The following ESR1 variants were observed in gnomAD, a reference collection of about 807,000 sequenced individuals.
The protein encoded by ESR1 is estrogen receptor 1, also known as estrogen receptor.
Under a neutral mutation model 52.7 loss-of-function variants are expected in ESR1, and 12 were observed. The ratio of observed to expected loss-of-function variants is 0.23; its 90% CI spans 0.15 to 0.37. The LOEUF is 0.37. Ranked by LOEUF, ESR1 falls within the 10% of genes least tolerant of loss-of-function variation. ESR1 has a pLI of 1.00. For synonymous variants in ESR1, 305 were observed against 316.8 expected, an observed-to-expected ratio of 0.96 and a Z score of 0.39; for missense variants, 584 against 779.7, an observed-to-expected ratio of 0.75 and a Z score of 2.99.
intron 2 of ESR1, among the ~76,000 whole-genome samples, chr6:151,728,128 T>G (rs918517566): frequency 1.3e-5 from 2 of 152,180 alleles, no homozygotes. Flanking sequence ...GGACTCAGGC[T>G]GCCTGGTTTG....
At chr6:151,891,223 T>C (rs1441223153) in intron 3 of ESR1, among the ~76,000 whole-genome samples, 1 of 152,240 alleles carries the variant, frequency 6.6e-6, no homozygotes, top group Non-Finnish European at 1.5e-5. Flanking sequence ...GGTATCTTTA[T>C]GTACCTTTTC....
chr6:151,800,749 A>G (rs1305379483), upstream of ESR1, among the ~76,000 whole-genome samples: 3 of 152,142 alleles, frequency 2.0e-5, no homozygotes, highest in African/African-American at 2.4e-5. Flanking sequence ...ACAGCTAATC[A>G]ATATTTTTTT....
chr6:151,914,178 C>T (rs1798691219), intron 3 of ESR1, among the ~76,000 whole-genome samples: 1 of 151,750 alleles, frequency 6.6e-6, no homozygotes, highest in South Asian at 2.1e-4. Flanking sequence ...TTTTACTCTG[C>T]TCTATTCTCT....
intron 2 of ESR1, among the ~76,000 whole-genome samples, chr6:151,731,329 C>A (rs1782221441): frequency 6.6e-6 from 1 of 151,304 alleles, no homozygotes; most frequent in African/African-American, 2.4e-5. Context: ...GTACACCAGC[C>A]TAGGTGACAC....
intron 2 of ESR1, among the ~76,000 whole-genome samples, chr6:151,872,532 C>T (rs1409118513): frequency 6.6e-6 from 1 of 152,042 alleles, no homozygotes; most frequent in Admixed American, 6.6e-5. Context: ...ACTTTTAATC[C>T]TTCATGTTTT....
In ESR1 at chr6:151,712,544, A is replaced by G. The variant is rs527372222; in HGVS notation, c.-71+10539A>G. ...AGCAGTGGTTTGTAGTTCTCCTTGA[A>G]GAGGTCCTTCACTTCCCTTGTAAGT... On this transcript the variant is annotated intron_variant, in intron 2 of 2. Transcript: ENST00000404742. 3.3e-5 allele frequency among the ~76,000 whole-genome samples: 5 copies of G among 152,250 alleles called. No individual in the cohort carries two copies. The South Asian group carries it at 1.0e-3, about 32-fold the overall frequency.
At chr6:152,016,499 CT>C in intron 5 of ESR1, among the ~76,000 whole-genome samples, 1 of 152,152 alleles carries the variant, frequency 6.6e-6, no homozygotes, top group Non-Finnish European at 1.5e-5. Context: ...AGGATAACTG[CT>C]TTTGATGGCA....
At chr6:151,726,083 G>A (rs1012405157) in intron 2 of ESR1, among the ~76,000 whole-genome samples, 49 of 152,234 alleles carry the variant, frequency 3.2e-4, no homozygotes, top group African/African-American at 1.2e-3. Context: ...ATGGTGGGGG[G>A]TACCTTCAAC....
intron 5 of ESR1, among the ~76,000 whole-genome samples, chr6:152,020,136 G>GA (rs1239169816): frequency 6.6e-6 from 1 of 152,162 alleles, no homozygotes; most frequent in Non-Finnish European, 1.5e-5. Flanking sequence ...GATTCTGAGT[G>GA]AAAACCAATC....
intron 2 of ESR1, among the ~76,000 whole-genome samples, chr6:151,722,765 G>A (rs1260037487): frequency 1.3e-5 from 2 of 152,204 alleles, no homozygotes; most frequent in Non-Finnish European, 2.9e-5. Flanking sequence ...TTAGAAGCCT[G>A]TCTCTATTTC....
chr6:151,813,876 G>T (rs910826885), intron 1 of ESR1, among the ~76,000 whole-genome samples: 1 of 152,124 alleles, frequency 6.6e-6, no homozygotes, highest in Non-Finnish European at 1.5e-5. Flanking sequence ...TTCCAAATGA[G>T]CCCTTGAAAA....
rs552752479 is a variant in ESR1, at chr6:152,067,771, G to A, written c.1369+6647G>A. ...GAACCTGGGAGGCAGAGGTTGCAGT[G>A]AGCCAAGATCGTGCCATTGCACTCC... On this transcript the variant is annotated intron_variant, in intron 6 of 7. Transcript: ENST00000206249. Among the ~76,000 whole-genome samples, 9 of 152,274 alleles carry A rather than the reference G, an allele frequency of 5.9e-5. No homozygotes were observed. In the South Asian group the frequency reaches 8.3e-4, roughly 14 times the overall value.
At chr6:151,989,445 C>T (rs2040813564) in intron 4 of ESR1, among the ~76,000 whole-genome samples, 1 of 151,896 alleles carries the variant, frequency 6.6e-6, no homozygotes, top group Non-Finnish European at 1.5e-5. Context: ...TTATAGTTAC[C>T]TCTGAACCTA....
chr6:151,787,382 A>G (rs924670766), intron 2 of ESR1, among the ~76,000 whole-genome samples: 9 of 152,126 alleles, frequency 5.9e-5, no homozygotes, highest in Admixed American at 5.9e-4. Flanking sequence ...TCTGTGAAGT[A>G]TGTCACTGGT....
At chr6:151,944,574 G>T in intron 4 of ESR1, 66 bp downstream of exon 4, 1 of 1,398,616 alleles carries the variant, frequency 7.1e-7, no homozygotes, top group East Asian at 2.3e-5. Context: ...GATGTCATGG[G>T]AGAAATAGTG....
chr6:151,784,871 G>A (rs543381090), intron 2 of ESR1, among the ~76,000 whole-genome samples: 2 of 152,328 alleles, frequency 1.3e-5, no homozygotes, highest in East Asian at 3.9e-4. Context: ...AGGTTGGCAA[G>A]TCTGAAATTT....
intron 2 of ESR1, among the ~76,000 whole-genome samples, chr6:151,768,379 G>A (rs1785234792): frequency 6.6e-6 from 1 of 152,136 alleles, no homozygotes; most frequent in Admixed American, 6.6e-5. Flanking sequence ...TAGCTGGCTA[G>A]AACTCTTCAA....
intron 4 of ESR1, among the ~76,000 whole-genome samples, chr6:152,005,948 G>A (rs893932772): frequency 6.6e-6 from 1 of 152,026 alleles, no homozygotes; most frequent in African/African-American, 2.4e-5. Context: ...CTTGATATTG[G>A]CAAGGTGGTT....
intron 2 of ESR1, among the ~76,000 whole-genome samples, chr6:151,765,118 AAC>A (rs879541351): frequency 7.9e-5 from 12 of 152,370 alleles, no homozygotes; most frequent in Non-Finnish European, 1.6e-4. Flanking sequence ...TTCTAAATAT[AAC>A]AATTATTAAT....
Sources: gnomAD v4.1 joint callset for allele counts (sites outside exome capture counted in the v4.1 genomes callset) on GRCh38, gnomAD v4.1.1 for gene constraint, MANE v1.5 for transcripts, NCBI Gene and HGNC (gene_info 2026-07-23, HGNC 2026-07-21) for gene names.